KCNH1: variants seen among roughly 807,000 people sequenced by gnomAD.
KCNH1 encodes voltage-gated delayed rectifier potassium channel KCNH1.
Under a neutral mutation model 69.2 loss-of-function variants are expected in KCNH1, and 27 were observed. The observed-to-expected ratio is 0.39, with a 90% confidence interval of 0.29 to 0.54. The LOEUF (loss-of-function observed/expected upper bound fraction) is 0.54. KCNH1 is among the 20% of genes least tolerant of loss of function. The pLI, the probability that KCNH1 is intolerant of heterozygous loss-of-function variation, is 0.68. For missense variants in KCNH1, 798 were observed against 1,261.6 expected (o/e 0.63, Z 5.57); for synonymous variants, 456 against 487.7 (o/e 0.93, Z 0.86).
chr1:211,096,833 G>C (rs1691164790), intron 3 of KCNH1, among the ~76,000 whole-genome samples: 1 of 152,124 alleles, frequency 6.6e-6, no homozygotes. Flanking sequence ...TTATTAGAAA[G>C]GAATATAATA....
intron 5 of KCNH1, among the ~76,000 whole-genome samples, chr1:211,020,840 G>C (rs1350391472): frequency 6.6e-6 from 1 of 151,736 alleles, no homozygotes; most frequent in Non-Finnish European, 1.5e-5. Context: ...CTCAACACTT[G>C]CAAATTAACA....
chr1:210,903,522 A>AT (rs1558518832), intron 7 of KCNH1, among the ~76,000 whole-genome samples: 1 of 152,150 alleles, frequency 6.6e-6, no homozygotes, highest in African/African-American at 2.4e-5. Flanking sequence ...AAATAGCAAA[A>AT]TTTTTTTCAT....
At chr1:210,996,864 C>T (rs1032285448) in intron 6 of KCNH1, among the ~76,000 whole-genome samples, 1 of 151,822 alleles carries the variant, frequency 6.6e-6, no homozygotes, top group Non-Finnish European at 1.5e-5. Flanking sequence ...GTTCTACAGC[C>T]ACCGCTGTTC....
chr1:211,033,021 G>C (rs1205517851), intron 5 of KCNH1, among the ~76,000 whole-genome samples: 9 of 152,084 alleles, frequency 5.9e-5, no homozygotes, highest in African/African-American at 1.9e-4. Context: ...ATCTGACAAA[G>C]GGCTAATATC....
chr1:210,911,013 T>C (rs2102549184), intron 7 of KCNH1, among the ~76,000 whole-genome samples: 1 of 152,304 alleles, frequency 6.6e-6, no homozygotes, highest in East Asian at 1.9e-4. Flanking sequence ...CTTGCATTTG[T>C]GTAGATTGTA....
Position 211,012,396 on chromosome 1 carries a change from T to A in KCNH1, c.1032+6387A>T, listed in dbSNP as rs553173385. Among the ~76,000 whole-genome samples, 5 of 152,124 alleles carry A rather than the reference T, an allele frequency of 3.3e-5. No homozygotes were observed. In the East Asian group the frequency reaches 9.7e-4, roughly 29 times the overall value. On this transcript the variant is annotated intron_variant, in intron 6 of 10. Coordinates refer to ENST00000271751, the MANE Select transcript of KCNH1 (RefSeq NM_172362.3). ...AATTGAAATCACCAGTGCTATAGAG[T>A]GATGATTTTTAATTGCTATTGCTAA...
chr1:210,735,406 G>A (rs1386209823), intron 10 of KCNH1, among the ~76,000 whole-genome samples: 1 of 137,018 alleles, frequency 7.3e-6, no homozygotes, highest in African/African-American at 2.8e-5. Context: ...TGATGTGTGA[G>A]TGAATGAGTG....
chr1:210,730,652 G>A (rs1204263966), intron 10 of KCNH1, among the ~76,000 whole-genome samples: 1 of 140,840 alleles, frequency 7.1e-6, no homozygotes, highest in African/African-American at 2.5e-5. Context: ...GTGGGGGTGG[G>A]AGTCTGAGCG....
chr1:211,037,024 G>A (rs1689912181), intron 5 of KCNH1, among the ~76,000 whole-genome samples: 1 of 151,914 alleles, frequency 6.6e-6, no homozygotes, highest in Admixed American at 6.5e-5. Context: ...ACTGATTCTG[G>A]AAGGAAAAAA....
intron 7 of KCNH1, among the ~76,000 whole-genome samples, chr1:210,856,326 G>GA (rs1685837246): frequency 6.6e-6 from 1 of 152,118 alleles, no homozygotes; most frequent in Non-Finnish European, 1.5e-5. Flanking sequence ...ACAGCCCCTG[G>GA]AAAAAACTTA....
intron 5 of KCNH1, among the ~76,000 whole-genome samples, chr1:211,076,134 G>T (rs965987109): frequency 6.6e-6 from 1 of 152,252 alleles, no homozygotes; most frequent in South Asian, 2.1e-4. Context: ...TGCCTCTGTA[G>T]TCTCCACCTC....
chr1:210,770,312 T>C (rs1683729774), intron 10 of KCNH1, among the ~76,000 whole-genome samples: 2 of 152,166 alleles, frequency 1.3e-5, no homozygotes, highest in African/African-American at 4.8e-5. Context: ...CAATGGCACA[T>C]GTATACCTAT....
chr1:210,848,665 T>C (rs905953476), intron 7 of KCNH1, among the ~76,000 whole-genome samples: 1 of 152,212 alleles, frequency 6.6e-6, no homozygotes, highest in East Asian at 1.9e-4. Context: ...CAAGATAGAA[T>C]CTTGGTCACG....
In KCNH1 at chr1:210,730,225, C is replaced by T. The variant is rs568344979; in HGVS notation, c.2112+45123G>A. Among the ~76,000 whole-genome samples, 9 of 152,200 alleles carry T rather than the reference C, an allele frequency of 5.9e-5. No individual in the cohort carries two copies. The South Asian group carries it at 1.5e-3, about 25-fold the overall frequency. The stretch of plus-strand genomic sequence containing the variant: ...TATGATGATAACATCTCAAAGCTGC[C>T]GGCAGGAACTATTGCTGCCTAAGGC... On this transcript the variant is annotated intron_variant, in intron 10 of 10. Coordinates refer to ENST00000271751, the MANE Select transcript of KCNH1 (RefSeq NM_172362.3).
intron 9 of KCNH1, 124 bp from the exon 10 acceptor site, chr1:210,775,668 G>T: frequency 1.5e-6 from 1 of 645,678 alleles, no homozygotes; most frequent in Non-Finnish European, 2.7e-6. Context: ...CTCAGAGAAG[G>T]CAAACACTAT....
chr1:211,087,944 C>CT (rs1292596852), intron 4 of KCNH1, among the ~76,000 whole-genome samples: 3 of 152,116 alleles, frequency 2.0e-5, no homozygotes, highest in African/African-American at 7.2e-5. Flanking sequence ...CTGAAATAGG[C>CT]TACTGTCAAT....
intron 7 of KCNH1, among the ~76,000 whole-genome samples, chr1:210,912,865 C>T (rs1687261137): frequency 6.6e-6 from 1 of 152,228 alleles, no homozygotes; most frequent in Non-Finnish European, 1.5e-5. Context: ...AGATGACCCA[C>T]AGGTCCCACC....
chr1:211,009,412 T>C (rs967966533), intron 6 of KCNH1, among the ~76,000 whole-genome samples: 3 of 151,932 alleles, frequency 2.0e-5, no homozygotes, highest in African/African-American at 4.8e-5. Context: ...AGCTGGGGTA[T>C]GTGGAGAGAG....
intron 10 of KCNH1, among the ~76,000 whole-genome samples, chr1:210,718,782 C>T (rs1322546128): frequency 1.3e-5 from 2 of 151,200 alleles, no homozygotes; most frequent in East Asian, 1.9e-4. Flanking sequence ...TTCAAGTACT[C>T]AGTCGGCACA....
Sources: gnomAD v4.1 joint callset for allele counts (sites outside exome capture counted in the v4.1 genomes callset) on GRCh38, gnomAD v4.1.1 for gene constraint, MANE v1.5 for transcripts, NCBI Gene and HGNC (gene_info 2026-07-23, HGNC 2026-07-21) for gene names.